Variants in KCNA5 observed in about 807,000 individuals in gnomAD.
KCNA5 encodes the protein potassium voltage-gated channel subfamily A member 5, also known as cardiac potassium channel.
In KCNA5, 22 loss-of-function variants were observed where a neutral mutation model predicts 26.5. The observed-to-expected ratio is 0.83, with a 90% CI of 0.59 to 1.18. KCNA5 has a LOEUF of 1.18. KCNA5 is among the 50% of genes most tolerant of loss of function. The pLI, the probability that KCNA5 is intolerant of heterozygous loss-of-function variation, is 0.00. For synonymous variants in KCNA5, 465 were observed against 372.8 expected, an observed-to-expected ratio of 1.25 and a Z score of -2.85; for missense variants, 916 against 843.2, an observed-to-expected ratio of 1.09 and a Z score of -1.07.
Position 5,046,106 on chromosome 12 carries a change from T to A in KCNA5, c.*117T>A. 2 of 1,258,286 alleles carry A rather than the reference T, an allele frequency of 1.6e-6. No individual in the cohort carries two copies. The highest frequency in any genetic ancestry group is 2.3e-6 in the Non-Finnish European group (2 of 880,642). The allele number at this position is 1,258,286 out of a possible 1,614,324, so 77.9% of individuals were successfully genotyped here. A position where few individuals can be genotyped will look rare whatever the true frequency, so the allele number is the denominator to read the frequency against. ...TCACACTGTAACCTCAGTCTACCCC[T>A]CTCCTTTCACTCCTTTCCTCCCTCC... On this transcript the variant is annotated 3_prime_UTR_variant, in exon 1 of 1. Coordinates refer to ENST00000252321, the MANE Select transcript of KCNA5 (RefSeq NM_002234.4).
chr12:5,045,212 C>T lies in KCNA5; in HGVS notation c.1065C>T (p.Asn355=), dbSNP rs1480650139. 1 of 1,614,112 alleles carries T rather than the reference C, an allele frequency of 6.2e-7. No individual in the cohort carries two copies. Among genetic ancestry groups the T allele is most frequent in the Non-Finnish European group, 8.5e-7 (1 of 1,180,048 alleles). The change falls in exon 1 of 1, where the codon AAC becomes AAT. Residue 355 remains asparagine (N), a synonymous_variant. Coordinates refer to ENST00000252321, the MANE Select transcript of KCNA5 (RefSeq NM_002234.4). The surrounding 1 kb of genome is among the most constrained non-coding windows in gnomAD (Gnocchi z 5.6). The part of the protein sequence containing the change: ...ACPSKAGFSR[N]IMNIIDVVAI... Reference sequence around the variant, plus strand: ...CCAGCAAGGCAGGGTTCTCCCGGAACATCATGAACATCATCGATGTGGTGG... The same window carrying T: ...CCAGCAAGGCAGGGTTCTCCCGGAATATCATGAACATCATCGATGTGGTGG...
rs748611806 is a variant in KCNA5, at chr12:5,043,912, A to G, written c.-236A>G. 1.6e-5 allele frequency: 9 copies of G among 560,440 alleles called. No homozygotes were observed. The highest frequency in any genetic ancestry group is 2.8e-5 in the Non-Finnish European group (9 of 317,992). 34.7% of individuals were successfully genotyped at this position (560,440 alleles called of 1,614,324 possible). A position where few individuals can be genotyped will look rare whatever the true frequency, so the allele number is the denominator to read the frequency against. On this transcript the variant is annotated 5_prime_UTR_variant, in exon 1 of 1. Transcript: ENST00000252321. ...GCGGCTGAAGGTTGCATCTGCTGGA[A>G]GGAGGCTTTTCGGCTGCTTGGTAAC... is the stretch of plus-strand genomic sequence containing the variant.
Position 5,045,225 on chromosome 12 carries a change from A to G in KCNA5, c.1078A>G (p.Ile360Val). The change falls in exon 1 of 1, where the codon ATC becomes GTC. Residue 360 changes from isoleucine (I) to valine (V), a missense_variant. Ile to Val is a conservative substitution (Grantham distance 29). Transcript: ENST00000252321. The surrounding 1 kb of genome is among the most constrained non-coding windows in gnomAD (Gnocchi z 5.6). Reference sequence around the variant, plus strand: ...GTTCTCCCGGAACATCATGAACATCATCGATGTGGTGGCCATCTTCCCCTA... The same window carrying G: ...GTTCTCCCGGAACATCATGAACATCGTCGATGTGGTGGCCATCTTCCCCTA... Reference protein sequence around the residue: ...AGFSRNIMNIIDVVAIFPYFI... With the variant: ...AGFSRNIMNIVDVVAIFPYFI... 1.9e-6 allele frequency: 3 copies of G among 1,614,116 alleles called. No homozygotes were observed. The highest frequency in any genetic ancestry group is 2.5e-6 in the Non-Finnish European group (3 of 1,180,000).
chr12:5,044,888 G>C lies in KCNA5; in HGVS notation c.741G>C (p.Gly247=), dbSNP rs2137772420. ...TCTTCGAGTATCCGGAGAGCTCTGG[G>C]TCCGCGCGGGCCATCGCCATCGTCT... ...WLIFEYPESS[G]SARAIAIVSV... is the part of the protein sequence containing the mutation. Residue 247 remains glycine, a synonymous_variant, in exon 1 of 1, where the codon GGG becomes GGC. Transcript: ENST00000252321. The C allele has an allele frequency of 6.2e-7, 1 of 1,613,920 alleles. No individual in the cohort carries two copies. The highest frequency in any genetic ancestry group is 1.7e-5 in the Admixed American group (1 of 60,024).
In KCNA5 at chr12:5,045,425, C is replaced by T. The variant is rs2137773314; in HGVS notation, c.1278C>T (p.Thr426=). ...AGGGGCTGCAGATCCTGGGCAAGAC[C>T]TTGCAGGCCTCCATGAGGGAGCTGG... is the stretch of plus-strand genomic sequence containing the variant. ...HSKGLQILGK[T]LQASMRELGL... is the part of the protein sequence containing the mutation. The change falls in exon 1 of 1, where the codon ACC becomes ACT. Residue 426 remains threonine, a synonymous_variant. Coordinates refer to ENST00000252321, the MANE Select transcript of KCNA5 (RefSeq NM_002234.4). This position sits in a 1 kb window ranked among gnomAD's most constrained non-coding sequence, Gnocchi z 5.6. The T allele has an allele frequency of 6.2e-7, 1 of 1,614,174 alleles. No homozygotes were observed. Among genetic ancestry groups the T allele is most frequent in the African/African-American group, 1.3e-5 (1 of 75,074 alleles).
Position 5,044,192 on chromosome 12 carries a change from C to T in KCNA5, c.45C>T (p.Thr15=), listed in dbSNP as rs1270826831. Reference sequence around the variant, plus strand: ...CCCTGGAGAACGGCGGTGCCATGACCGTCAGAGGAGGCGATGAGGCCCGGG... The same window carrying T: ...CCCTGGAGAACGGCGGTGCCATGACTGTCAGAGGAGGCGATGAGGCCCGGG... ...LVPLENGGAM[T]VRGGDEARAG... is the part of the protein sequence containing the mutation. Residue 15 remains threonine (T), a synonymous_variant, in exon 1 of 1, where the codon ACC becomes ACT. Coordinates refer to ENST00000252321, the MANE Select transcript of KCNA5 (RefSeq NM_002234.4). 2.6e-6 allele frequency: 4 copies of T among 1,537,480 alleles called. No homozygotes were observed. Among genetic ancestry groups the T allele is most frequent in the East Asian group, 2.4e-5 (1 of 40,946 alleles).
rs778773419 is a variant in KCNA5, at chr12:5,045,887, C to T, written c.1740C>T (p.Ser580=). 6.2e-7 allele frequency: 1 copy of T among 1,614,090 alleles called. No homozygotes were observed. Among genetic ancestry groups the T allele is most frequent in the Non-Finnish European group, 8.5e-7 (1 of 1,180,030 alleles). ...LENADSARRG[S]CPLEKCNVKA... The stretch of plus-strand genomic sequence containing the variant: ...ATGCAGACAGTGCCCGAAGGGGCAG[C>T]TGCCCCCTAGAGAAGTGTAACGTCA... The change falls in exon 1 of 1, where the codon AGC becomes AGT. Residue 580 remains serine, a synonymous_variant. Coordinates refer to ENST00000252321, the MANE Select transcript of KCNA5 (RefSeq NM_002234.4). The surrounding 1 kb of genome is among the most constrained non-coding windows in gnomAD (Gnocchi z 5.6).
In KCNA5 at chr12:5,045,259, C is replaced by T; in HGVS notation, c.1112C>T (p.Thr371Ile). 1.2e-6 allele frequency: 2 copies of T among 1,614,242 alleles called. No individual in the cohort carries two copies. Among genetic ancestry groups the T allele is most frequent in the Non-Finnish European group, 1.7e-6 (2 of 1,180,040 alleles). Reference protein sequence around the residue: ...DVVAIFPYFITLGTELAEQQP... With the variant: ...DVVAIFPYFIILGTELAEQQP... ...GTGGCCATCTTCCCCTACTTCATCACCCTGGGCACCGAACTGGCAGAGCAG... is the reference window on the plus strand; with the variant it reads ...GTGGCCATCTTCCCCTACTTCATCATCCTGGGCACCGAACTGGCAGAGCAG... The change falls in exon 1 of 1, where the codon ACC becomes ATC. Residue 371 changes from threonine to isoleucine, a missense_variant. Coordinates refer to ENST00000252321, the MANE Select transcript of KCNA5 (RefSeq NM_002234.4). The surrounding 1 kb of genome is among the most constrained non-coding windows in gnomAD (Gnocchi z 5.6).
Position 5,045,034 on chromosome 12 carries a change from C to T in KCNA5, c.887C>T (p.Pro296Leu). Reference protein sequence around the residue: ...PAPHQPPAPAPGANGSGVMAP... With the variant: ...PAPHQPPAPALGANGSGVMAP... ...CCCCACCAGCCTCCCGCGCCCGCCC[C>T]TGGGGCCAACGGCAGCGGGGTCATG... The change falls in exon 1 of 1, where the codon CCT becomes CTT. Residue 296 changes from proline to leucine, a missense_variant. Pro to Leu is a moderately conservative substitution (Grantham distance 98). Coordinates refer to ENST00000252321, the MANE Select transcript of KCNA5 (RefSeq NM_002234.4). The surrounding 1 kb of genome is among the most constrained non-coding windows in gnomAD (Gnocchi z 5.6). 1 of 1,612,620 alleles carries T rather than the reference C, an allele frequency of 6.2e-7. No individual in the cohort carries two copies. Among genetic ancestry groups the T allele is most frequent in the Non-Finnish European group, 8.5e-7 (1 of 1,179,622 alleles).
chr12:5,044,655 C>T lies in KCNA5; in HGVS notation c.508C>T (p.Pro170Ser). Residue 170 changes from proline to serine, a missense_variant, in exon 1 of 1, where the codon CCC becomes TCC. Coordinates refer to ENST00000252321, the MANE Select transcript of KCNA5 (RefSeq NM_002234.4). The stretch of plus-strand genomic sequence containing the variant: ...CGAGTACTTCTTCGACCGCAACCGG[C>T]CCAGCTTCGACGGTATCCTCTACTA... ...RNEYFFDRNR[P>S]SFDGILYYYQ... is the part of the protein sequence containing the mutation. 1.2e-6 allele frequency: 2 copies of T among 1,614,192 alleles called. No homozygotes were observed. The highest frequency in any genetic ancestry group is 2.2e-5 in the East Asian group (1 of 44,868).
chr12:5,044,582 C>T lies in KCNA5; in HGVS notation c.435C>T (p.Leu145=). ...LGTLAQFPNT[L]LGDPAKRLRY... ...CCCTGGCGCAGTTCCCCAACACACT[C>T]CTGGGGGACCCCGCCAAGCGCCTGC... Residue 145 remains leucine (L), a synonymous_variant, in exon 1 of 1, where the codon CTC becomes CTT. Coordinates refer to ENST00000252321, the MANE Select transcript of KCNA5 (RefSeq NM_002234.4). 6.2e-7 allele frequency: 1 copy of T among 1,614,074 alleles called. No homozygotes were observed. The highest frequency in any genetic ancestry group is 1.3e-5 in the African/African-American group (1 of 75,068).
chr12:5,045,072 G>A lies in KCNA5; in HGVS notation c.925G>A (p.Gly309Ser). The change falls in exon 1 of 1, where the codon GGC becomes AGC. Residue 309 changes from glycine to serine, a missense_variant. Physicochemically the swap from Gly to Ser is moderately conservative, Grantham distance 56. Transcript: ENST00000252321. The surrounding 1 kb of genome is among the most constrained non-coding windows in gnomAD (Gnocchi z 5.6). ...NGSGVMAPPS[G>S]PTVAPLLPRT... is the part of the protein sequence containing the mutation. ...CAGCGGGGTCATGGCCCCGCCCTCT[G>A]GCCCTACGGTGGCACCGCTCCTGCC... 1 of 1,612,844 alleles carries A rather than the reference G, an allele frequency of 6.2e-7. No homozygotes were observed. The highest frequency in any genetic ancestry group is 8.5e-7 in the Non-Finnish European group (1 of 1,179,576).
chr12:5,045,897 G>T lies in KCNA5; in HGVS notation c.1750G>T (p.Glu584Ter). Residue 584 changes from glutamate (E) to a stop codon, truncating the protein, a stop_gained, in exon 1 of 1, where the codon GAG becomes TAG. Coordinates refer to ENST00000252321, the MANE Select transcript of KCNA5 (RefSeq NM_002234.4). LOFTEE classifies it high-confidence loss of function. This position sits in a 1 kb window ranked among gnomAD's most constrained non-coding sequence, Gnocchi z 5.6. ...DSARRGSCPL[E>*]KCNVKAKSNV... Reference sequence around the variant, plus strand: ...TGCCCGAAGGGGCAGCTGCCCCCTAGAGAAGTGTAACGTCAAGGCCAAGAG... The same window carrying T: ...TGCCCGAAGGGGCAGCTGCCCCCTATAGAAGTGTAACGTCAAGGCCAAGAG... 6.2e-7 allele frequency: 1 copy of T among 1,614,074 alleles called. No homozygotes were observed. The highest frequency in any genetic ancestry group is 2.2e-5 in the East Asian group (1 of 44,884).
rs1348633698 is a variant in KCNA5 at position 5,045,778 on chromosome 12, A to C, written c.1631A>C (p.Gln544Pro). The C allele has an allele frequency of 5.6e-6, 9 of 1,614,144 alleles. No homozygotes were observed. Among genetic ancestry groups the C allele is most frequent in the African/African-American group, 1.3e-5 (1 of 75,044 alleles). Residue 544 changes from glutamine (Q) to proline (P), a missense_variant, in exon 1 of 1, where the codon CAG (glutamine) becomes CCG (proline). Gln to Pro is a moderately conservative substitution (Grantham distance 76). Transcript: ENST00000252321. This position sits in a 1 kb window ranked among gnomAD's most constrained non-coding sequence, Gnocchi z 5.6. ...VLKEEQGTQS[Q>P]GPGLDRGVQR... ...AAGGAAGAGCAGGGCACTCAGAGCC[A>C]GGGGCCGGGGCTGGACAGAGGAGTC... is the stretch of plus-strand genomic sequence containing the variant.
chr12:5,045,301 G>A lies in KCNA5; in HGVS notation c.1154G>A (p.Gly385Glu), dbSNP rs1479419429. The change falls in exon 1 of 1, where the codon GGA (glycine) becomes GAA (glutamate). Residue 385 changes from glycine (G) to glutamate (E), a missense_variant. Coordinates refer to ENST00000252321, the MANE Select transcript of KCNA5 (RefSeq NM_002234.4). This position sits in a 1 kb window ranked among gnomAD's most constrained non-coding sequence, Gnocchi z 5.6. ...ELAEQQPGGG[G>E]GGQNGQQAMS... Reference sequence around the variant, plus strand: ...GCAGAGCAGCAGCCAGGGGGTGGAGGAGGCGGCCAGAATGGGCAGCAGGCC... The same window carrying A: ...GCAGAGCAGCAGCCAGGGGGTGGAGAAGGCGGCCAGAATGGGCAGCAGGCC... 1 of 1,614,118 alleles carries A rather than the reference G, an allele frequency of 6.2e-7. No homozygotes were observed. The highest frequency in any genetic ancestry group is 1.1e-5 in the South Asian group (1 of 91,084).
Position 5,045,659 on chromosome 12 carries a change from G to T in KCNA5, c.1512G>T (p.Gly504=). The part of the protein sequence containing the change: ...KIVGSLCAIA[G]VLTIALPVPV... Reference sequence around the variant, plus strand: ...TGGGCTCGCTGTGTGCCATCGCCGGGGTCCTCACCATTGCCCTGCCTGTGC... The same window carrying T: ...TGGGCTCGCTGTGTGCCATCGCCGGTGTCCTCACCATTGCCCTGCCTGTGC... The change falls in exon 1 of 1, where the codon GGG becomes GGT. Residue 504 remains glycine (G), a synonymous_variant. Transcript: ENST00000252321. This position sits in a 1 kb window ranked among gnomAD's most constrained non-coding sequence, Gnocchi z 5.6. The T allele has an allele frequency of 6.2e-7, 1 of 1,614,162 alleles. No individual in the cohort carries two copies. Among genetic ancestry groups the T allele is most frequent in the Non-Finnish European group, 8.5e-7 (1 of 1,180,034 alleles).
Position 5,045,619 on chromosome 12 carries a change from T to C in KCNA5, c.1472T>C (p.Val491Ala), listed in dbSNP as rs371569271. 1.3e-5 allele frequency: 21 copies of C among 1,614,046 alleles called. No homozygotes were observed. The highest frequency in any genetic ancestry group is 9.3e-5 in the African/African-American group (7 of 74,920). ...TACGGGGACATGAGGCCCATCACTGTTGGGGGCAAGATCGTGGGCTCGCTG... is the reference window on the plus strand; with the variant it reads ...TACGGGGACATGAGGCCCATCACTGCTGGGGGCAAGATCGTGGGCTCGCTG... Reference protein sequence around the residue: ...VGYGDMRPITVGGKIVGSLCA... With the variant: ...VGYGDMRPITAGGKIVGSLCA... Residue 491 changes from valine (V) to alanine (A), a missense_variant, in exon 1 of 1, where the codon GTT becomes GCT. Val to Ala is a moderately conservative substitution (Grantham distance 64). Coordinates refer to ENST00000252321, the MANE Select transcript of KCNA5 (RefSeq NM_002234.4). This position sits in a 1 kb window ranked among gnomAD's most constrained non-coding sequence, Gnocchi z 5.6.
rs1451754127 is a variant in KCNA5 at position 5,044,334 on chromosome 12, G to A, written c.187G>A (p.Gly63Arg). ...CGGCGCGCAGAGAGACGCGGACTCGGGAGTGCGGCCCTTGCCTCCGCTGCC... is the reference window on the plus strand; with the variant it reads ...CGGCGCGCAGAGAGACGCGGACTCGAGAGTGCGGCCCTTGCCTCCGCTGCC... ...GRGAQRDADSGVRPLPPLPDP... is the reference protein window; with the variant it reads ...GRGAQRDADSRVRPLPPLPDP... The change falls in exon 1 of 1, where the codon GGA (glycine) becomes AGA (arginine). Residue 63 changes from glycine (G) to arginine (R), a missense_variant. Gly to Arg is a moderately radical substitution (Grantham distance 125, BLOSUM62 -2). Coordinates refer to ENST00000252321, the MANE Select transcript of KCNA5 (RefSeq NM_002234.4). 5 of 1,548,504 alleles carry A rather than the reference G, an allele frequency of 3.2e-6. No homozygotes were observed. The Admixed American group carries it at 5.7e-5, about 18-fold the overall frequency.
At position 5,045,116 on chromosome 12, in the gene KCNA5, C is replaced by T. The variant is rs1181460674; in HGVS notation, c.969C>T (p.Pro323=). Residue 323 remains proline, a synonymous_variant, in exon 1 of 1, where the codon CCC becomes CCT. Coordinates refer to ENST00000252321, the MANE Select transcript of KCNA5 (RefSeq NM_002234.4). The surrounding 1 kb of genome is among the most constrained non-coding windows in gnomAD (Gnocchi z 5.6). ...TCCTGCCCAGGACCCTGGCCGACCC[C>T]TTCTTCATCGTGGAGACCACGTGCG... ...APLLPRTLAD[P]FFIVETTCVI... 13 of 1,613,946 alleles carry T rather than the reference C, an allele frequency of 8.1e-6. No homozygotes were observed. The highest frequency in any genetic ancestry group is 7.7e-5 in the South Asian group (7 of 91,086).
Sources: allele counts gnomAD v4.1 joint callset, GRCh38; gene constraint gnomAD v4.1.1; non-coding constraint Gnocchi (gnomAD v3.1); transcripts MANE v1.5; gene names NCBI Gene and HGNC (gene_info 2026-07-23, HGNC 2026-07-21).